TDRD7: variants seen among roughly 807,000 people sequenced by gnomAD.
TDRD7 encodes tudor domain-containing protein 7.
Under a neutral mutation model 109.8 loss-of-function variants are expected in TDRD7, and 47 were observed. The ratio of observed to expected loss-of-function variants is 0.43; its 90% CI spans 0.34 to 0.55. The LOEUF (loss-of-function observed/expected upper bound fraction) is 0.55, where lower values mean the gene tolerates loss of function less well. Among genes scored for constraint, TDRD7 ranks in the 20% least tolerant of loss-of-function variants. The pLI is 0.03. For synonymous variants in TDRD7, 424 were observed against 457.3 expected, an observed-to-expected ratio of 0.93 and a Z score of 0.93; for missense variants, 1,164 against 1,319.2, an observed-to-expected ratio of 0.88 and a Z score of 1.82.
intron 16 of TDRD7, among the ~76,000 whole-genome samples, chr9:97,493,135 T>G (rs1437594492): frequency 6.6e-6 from 1 of 152,174 alleles, no homozygotes; most frequent in Non-Finnish European, 1.5e-5. Context: ...GGATTACCCC[T>G]TACTCGCTCA....
chr9:97,481,074 A>C (rs925066021), intron 14 of TDRD7, 136 bp downstream of exon 14: 3 of 758,588 alleles, frequency 4.0e-6, no homozygotes, highest in Non-Finnish European at 7.1e-6. Context: ...TATATTCAGC[A>C]AATTGGCTAC....
At position 97,495,956 on chromosome 9, in the gene TDRD7, A is replaced by G. The variant is rs1829391368; in HGVS notation, c.*73A>G. 1.6e-6 allele frequency: 2 copies of G among 1,224,194 alleles called. No homozygotes were observed. The highest frequency in any genetic ancestry group is 1.2e-5 in the South Asian group (1 of 82,250). The allele number at this position is 1,224,194 out of a possible 1,614,324, so 75.8% of individuals were successfully genotyped here. On this transcript the variant is annotated 3_prime_UTR_variant, in exon 17 of 17. Transcript: ENST00000355295. ...ACAAAATGTAGTAGGCTTAAAAAAA[A>G]TCTTAACTCTGCTACATGGCTCTGA...
In TDRD7 at chr9:97,439,225, T is replaced by A. The variant is rs1828253673; in HGVS notation, c.564-20T>A. 6.4e-7 allele frequency: 1 copy of A among 1,558,290 alleles called. No homozygotes were observed. Among genetic ancestry groups the A allele is most frequent in the African/African-American group, 1.4e-5 (1 of 71,820 alleles). The stretch of plus-strand genomic sequence containing the variant: ...TTGTTATTTACATTTATTTTACTTT[T>A]TTTTTTTTTAATATCTTAGGTTTAG... On this transcript the variant is annotated intron_variant, in intron 4 of 16. Coordinates refer to ENST00000355295, the MANE Select transcript of TDRD7 (RefSeq NM_014290.3).
intron 8 of TDRD7, among the ~76,000 whole-genome samples, chr9:97,467,408 G>C (rs1261129839): frequency 6.6e-6 from 1 of 152,168 alleles, no homozygotes; most frequent in African/African-American, 2.4e-5. Flanking sequence ...CTGAGTCTCA[G>C]CTTTGCCATT....
At chr9:97,484,260 T>G (rs1829173195) in intron 15 of TDRD7, among the ~76,000 whole-genome samples, 1 of 152,192 alleles carries the variant, frequency 6.6e-6, no homozygotes, top group Admixed American at 6.5e-5. Context: ...TATTTTCACA[T>G]TTGGGTCCAC....
At chr9:97,456,509 T>C (rs1029672767) in intron 6 of TDRD7, among the ~76,000 whole-genome samples, 6 of 152,036 alleles carry the variant, frequency 3.9e-5, no homozygotes, top group Non-Finnish European at 8.8e-5. Flanking sequence ...AACAGAGACC[T>C]CAGAAATAAC....
Position 97,431,073 on chromosome 9 carries a change from A to C in TDRD7, c.348A>C (p.Glu116Asp). Reference protein sequence around the residue: ...RVKKTMPFFLEGKPKATLRQP... With the variant: ...RVKKTMPFFLDGKPKATLRQP... ...AGAAAACCATGCCATTTTTTCTAGA[A>C]GGTAGGAGCTTTTTACATGCTAAAA... is the stretch of plus-strand genomic sequence containing the variant. Residue 116 changes from glutamate to aspartate, a missense_variant and splice_region_variant, in exon 3 of 17, where the codon GAA becomes GAC. Physicochemically the swap from Glu to Asp is conservative, Grantham distance 45 (BLOSUM62 2). Around this residue, in one of 5 missense-constraint regions of TDRD7, gnomAD observed 101 missense variants for 148.5 expected, o/e 0.68. Transcript: ENST00000355295. The C allele has an allele frequency of 6.2e-7, 1 of 1,613,822 alleles. No homozygotes were observed. The highest frequency in any genetic ancestry group is 2.2e-5 in the East Asian group (1 of 44,874).
At chr9:97,490,909 C>CTTT (rs1174656625) in intron 16 of TDRD7, among the ~76,000 whole-genome samples, 128 of 77,656 alleles carry the variant, frequency 1.6e-3, no homozygotes, top group East Asian at 6.4e-3. Context: ...CTTTTCTTTT[C>CTTT]TTTTTTTTTT....
At chr9:97,479,615 G>A (rs1829081241) in intron 13 of TDRD7, among the ~76,000 whole-genome samples, 1 of 152,098 alleles carries the variant, frequency 6.6e-6, no homozygotes. Context: ...TGTTGGTTGG[G>A]AGTACTTTAA....
chr9:97,413,724 T>G (rs1314364277), intron 1 of TDRD7, among the ~76,000 whole-genome samples: 1 of 152,214 alleles, frequency 6.6e-6, no homozygotes, highest in East Asian at 1.9e-4. Flanking sequence ...TGTGCCCCAA[T>G]CCAGGGCCCT....
At chr9:97,456,719 C>G (rs929043639) in intron 6 of TDRD7, among the ~76,000 whole-genome samples, 2 of 152,046 alleles carry the variant, frequency 1.3e-5, no homozygotes, top group Non-Finnish European at 2.9e-5. Context: ...CCATAAAAAC[C>G]CTAGAAGAAA....
intron 8 of TDRD7, among the ~76,000 whole-genome samples, chr9:97,467,608 A>G (rs1376572039): frequency 2.0e-5 from 3 of 152,270 alleles, no homozygotes; most frequent in African/African-American, 7.2e-5. Context: ...ACAAGCATAC[A>G]GTAAACACAC....
At chr9:97,414,964 T>G (rs1827788126) in intron 1 of TDRD7, among the ~76,000 whole-genome samples, 2 of 152,200 alleles carry the variant, frequency 1.3e-5, no homozygotes, top group East Asian at 3.9e-4. Flanking sequence ...CTAAAATGTG[T>G]CAGCACAGAC....
intron 16 of TDRD7, 30 bp downstream of exon 16, chr9:97,487,362 A>G: frequency 1.2e-6 from 2 of 1,613,678 alleles, no homozygotes; most frequent in Non-Finnish European, 1.7e-6. Flanking sequence ...AACTCATGCT[A>G]CAACAATGCA....
chr9:97,452,240 A>T (rs1297188959), intron 6 of TDRD7, among the ~76,000 whole-genome samples: 3 of 152,218 alleles, frequency 2.0e-5, no homozygotes. Flanking sequence ...GAAAGAAAAG[A>T]AACCCCAAAG....
chr9:97,472,297 G>A lies in TDRD7; in HGVS notation c.1746G>A (p.Leu582=), dbSNP rs1278293386. 1 of 1,613,152 alleles carries A rather than the reference G, an allele frequency of 6.2e-7. No individual in the cohort carries two copies. Among genetic ancestry groups the A allele is most frequent in the East Asian group, 2.2e-5 (1 of 44,870 alleles). The part of the protein sequence containing the change: ...FQATKCKLAG[L]EVLSDDPDLV... ...AAAAGATTCAATATTTTTCAGGCTT[G>A]GAAGTCCTAAGCGATGACCCTGATC... The change falls in exon 10 of 17, where the codon TTG becomes TTA. Residue 582 remains leucine, a synonymous_variant. Transcript: ENST00000355295.
chr9:97,416,750 T>C (rs1827818247), intron 1 of TDRD7, among the ~76,000 whole-genome samples: 1 of 152,208 alleles, frequency 6.6e-6, no homozygotes, highest in Non-Finnish European at 1.5e-5. Flanking sequence ...CTCACCTATG[T>C]TATGCTGTAT....
chr9:97,443,874 A>G (rs1381616792), intron 6 of TDRD7, among the ~76,000 whole-genome samples: 1 of 152,228 alleles, frequency 6.6e-6, no homozygotes, highest in Admixed American at 6.5e-5. Flanking sequence ...AGAAGTCTTT[A>G]GAGTAAAAAC....
intron 16 of TDRD7, among the ~76,000 whole-genome samples, chr9:97,491,137 C>T (rs992822950): frequency 6.6e-5 from 10 of 152,098 alleles, no homozygotes; most frequent in Admixed American, 5.2e-4. Context: ...AGACTGGTCT[C>T]GAACTCCTGA....
Sources: allele counts gnomAD v4.1 joint callset (sites outside exome capture counted in the v4.1 genomes callset), GRCh38; gene constraint gnomAD v4.1.1; regional missense constraint gnomAD v4.1.1; transcripts MANE v1.5; gene names NCBI Gene and HGNC (gene_info 2026-07-23, HGNC 2026-07-21).